Variants in CCDC3 observed in about 807,000 individuals in gnomAD.
CCDC3 encodes the protein coiled-coil domain containing 3, also known as coiled-coil domain-containing protein 3.
CCDC3 carries 24 observed loss-of-function variants against 21.4 expected under a neutral mutation model. The observed-to-expected ratio is 1.12, with a 90% CI of 0.81 to 1.58. The LOEUF is 1.58. Ranked by LOEUF, CCDC3 falls within the 40% of genes most tolerant of loss-of-function variation. The pLI, the probability that CCDC3 is intolerant of heterozygous loss-of-function variation, is 0.00. For missense variants in CCDC3, 425 were observed against 360.9 expected (o/e 1.18, Z -1.44); for synonymous variants, 186 against 166.0 (o/e 1.12, Z -0.93).
intron 5 of CCDC3, among the ~76,000 whole-genome samples, chr10:13,044,602 G>C (rs1195012711): frequency 6.6e-6 from 1 of 152,166 alleles, no homozygotes; most frequent in African/African-American, 2.4e-5. Context: ...TGAATAGGGA[G>C]TCCTTTCCCC....
chr10:12,945,474 T>C (rs1476559767), intron 2 of CCDC3, among the ~76,000 whole-genome samples: 2 of 151,990 alleles, frequency 1.3e-5, no homozygotes, highest in African/African-American at 2.4e-5. Context: ...AAAAGTAGAA[T>C]CATGGGAAAG....
At chr10:12,999,433 A>G (rs1835813470) in intron 1 of CCDC3, among the ~76,000 whole-genome samples, 2 of 152,202 alleles carry the variant, frequency 1.3e-5, no homozygotes, top group African/African-American at 4.8e-5. Context: ...GAAAGAGATG[A>G]AAGTTACACT....
intron 2 of CCDC3, among the ~76,000 whole-genome samples, chr10:12,911,599 G>C (rs1436717156): frequency 1.3e-5 from 2 of 152,106 alleles, no homozygotes; most frequent in Non-Finnish European, 2.9e-5. Flanking sequence ...TGTACAACGT[G>C]ATCTGAAATA....
chr10:13,066,341 C>T (rs899260428), intron 4 of CCDC3, among the ~76,000 whole-genome samples: 1 of 152,114 alleles, frequency 6.6e-6, no homozygotes, highest in Non-Finnish European at 1.5e-5. Flanking sequence ...ATTCTTTAGC[C>T]CACAAATTTG....
intron 5 of CCDC3, among the ~76,000 whole-genome samples, chr10:13,024,505 A>G (rs1836190681): frequency 6.6e-6 from 1 of 152,196 alleles, no homozygotes; most frequent in Non-Finnish European, 1.5e-5. Flanking sequence ...CCCTAAAGCC[A>G]TATTTCACTC....
At chr10:12,973,816 G>A (rs1835377070) in intron 2 of CCDC3, among the ~76,000 whole-genome samples, 1 of 152,198 alleles carries the variant, frequency 6.6e-6, no homozygotes, top group Non-Finnish European at 1.5e-5. Flanking sequence ...ACAGCCTCTT[G>A]CATGACCCTG....
upstream of CCDC3, among the ~76,000 whole-genome samples, chr10:13,001,924 A>G (rs1835864200): frequency 6.6e-6 from 1 of 151,970 alleles, no homozygotes; most frequent in Non-Finnish European, 1.5e-5. Context: ...TGGCCCAGCA[A>G]TCTCCTGGCG....
rs548489967 is a variant in CCDC3, at chr10:12,951,667, T to C, written c.549+46671A>G. 3.9e-4 allele frequency among the ~76,000 whole-genome samples: 59 copies of C among 152,042 alleles called. 2 individuals are homozygous for C. The South Asian group carries it at 0.012, about 30-fold the overall frequency. On this transcript the variant is annotated intron_variant, in intron 2 of 2. Coordinates refer to ENST00000378825, the MANE Select transcript of CCDC3 (RefSeq NM_031455.4). ...TAAAATACAAAAAATTAGCTGGGTG[T>C]GATGGCATGCGCCTGTAGTCCCAGT...
intron 5 of CCDC3, among the ~76,000 whole-genome samples, chr10:13,023,841 G>A (rs1368615973): frequency 6.6e-6 from 1 of 152,162 alleles, no homozygotes; most frequent in Non-Finnish European, 1.5e-5. Flanking sequence ...ATCTGAAGAT[G>A]TGTGAACTAA....
chr10:12,920,186 G>C (rs138528677), intron 2 of CCDC3, among the ~76,000 whole-genome samples: 39 of 152,224 alleles, frequency 2.6e-4, no homozygotes, highest in Non-Finnish European at 4.7e-4. Context: ...TGAAAGGCAC[G>C]TCTTACATGG....
intron 2 of CCDC3, among the ~76,000 whole-genome samples, chr10:12,906,163 C>A (rs1325282137): frequency 6.6e-6 from 1 of 152,126 alleles, no homozygotes; most frequent in African/African-American, 2.4e-5. Context: ...TGGAGGATGC[C>A]CAGAGCTGCT....
intron 2 of CCDC3, among the ~76,000 whole-genome samples, chr10:12,963,227 C>T (rs1435124732): frequency 6.6e-6 from 1 of 152,146 alleles, no homozygotes; most frequent in African/African-American, 2.4e-5. Context: ...CAGACTATGA[C>T]CAAACATAGG....
In CCDC3 at chr10:13,001,201, G is replaced by C; in HGVS notation, c.370C>G (p.Leu124Val). 2 of 1,553,698 alleles carry C rather than the reference G, an allele frequency of 1.3e-6. No individual in the cohort carries two copies. The highest frequency in any genetic ancestry group is 1.7e-6 in the Non-Finnish European group (2 of 1,148,872). ...VVQDYSYFFF[L>V]RMDENYNLLP... ...CGGCGGCGCCGCCGGGCTCACCTGA[G>C]GAAGAAGAAATAGGAGTAGTCCTGG... Residue 124 changes from leucine (L) to valine (V), a missense_variant, in exon 1 of 3, where the codon CTC (leucine) becomes GTC (valine). Leu to Val is a conservative substitution (Grantham distance 32). Coordinates refer to ENST00000378825, the MANE Select transcript of CCDC3 (RefSeq NM_031455.4).
intron 2 of CCDC3, among the ~76,000 whole-genome samples, chr10:12,900,210 T>G (rs1403645296): frequency 6.6e-6 from 1 of 152,202 alleles, no homozygotes; most frequent in East Asian, 1.9e-4. Context: ...TTATTAGCAG[T>G]GTGAGAACGG....
At chr10:12,956,406 C>T (rs1232409288) in intron 2 of CCDC3, among the ~76,000 whole-genome samples, 2 of 152,110 alleles carry the variant, frequency 1.3e-5, no homozygotes, top group African/African-American at 4.8e-5. Flanking sequence ...GTGTCCCTGT[C>T]AGCACAGAGA....
At chr10:12,917,366 T>G (rs1190341940) in intron 2 of CCDC3, among the ~76,000 whole-genome samples, 2 of 151,770 alleles carry the variant, frequency 1.3e-5, no homozygotes, top group Non-Finnish European at 2.9e-5. Flanking sequence ...GCTAATTTTT[T>G]TTTGTATTTT....
chr10:12,902,974 GAA>G (rs1834115987), intron 2 of CCDC3, among the ~76,000 whole-genome samples: 1 of 152,206 alleles, frequency 6.6e-6, no homozygotes, highest in African/African-American at 2.4e-5. Context: ...AGGTGAATGT[GAA>G]AAGCGTGGAT....
chr10:12,970,550 A>G (rs183096031), intron 2 of CCDC3, among the ~76,000 whole-genome samples: 35 of 152,328 alleles, frequency 2.3e-4, no homozygotes, highest in Non-Finnish European at 4.6e-4. Context: ...TGTACACAAT[A>G]AACATATACA....
At chr10:12,974,504 A>C (rs1486875242) in intron 2 of CCDC3, among the ~76,000 whole-genome samples, 1 of 152,236 alleles carries the variant, frequency 6.6e-6, no homozygotes. Context: ...TGGAGTTTAG[A>C]AATTGTACGT....
Sources: allele counts gnomAD v4.1 joint callset (sites outside exome capture counted in the v4.1 genomes callset), GRCh38; gene constraint gnomAD v4.1.1; transcripts MANE v1.5; gene names NCBI Gene and HGNC (gene_info 2026-07-23, HGNC 2026-07-21).